The following GHR variants were observed in gnomAD, a reference collection of about 807,000 sequenced individuals.
The protein encoded by GHR is GH receptor.
GHR carries 35 observed loss-of-function variants against 67.1 expected under a neutral mutation model. The ratio of observed to expected loss-of-function variants is 0.52; its 90% CI spans 0.40 to 0.69. GHR has a LOEUF of 0.69. GHR is among the 30% of genes least tolerant of loss of function. GHR has a pLI of 0.00. For synonymous variants in GHR, 272 were observed against 269.1 expected (o/e 1.01, Z -0.10); for missense variants, 792 against 764.6 (o/e 1.04, Z -0.42).
chr5:42,671,595 A>G (rs940773325), intron 3 of GHR, among the ~76,000 whole-genome samples: 2 of 151,734 alleles, frequency 1.3e-5, no homozygotes, highest in African/African-American at 2.4e-5. Flanking sequence ...CATGATTTCA[A>G]TAGGTGTGGG....
intron 1 of GHR, among the ~76,000 whole-genome samples, chr5:42,438,393 GT>G (rs1282528618): frequency 6.6e-6 from 1 of 152,128 alleles, no homozygotes; most frequent in Non-Finnish European, 1.5e-5. Context: ...CCTCCAAGAA[GT>G]GGAATTTAAT....
At chr5:42,470,992 A>G (rs1744988554) in intron 1 of GHR, among the ~76,000 whole-genome samples, 1 of 152,186 alleles carries the variant, frequency 6.6e-6, no homozygotes, top group African/African-American at 2.4e-5. Context: ...ATTTTGGATT[A>G]AGTCCTCCAA....
intron 2 of GHR, among the ~76,000 whole-genome samples, chr5:42,599,409 C>A (rs1269546363): frequency 7.0e-6 from 1 of 142,762 alleles, no homozygotes; most frequent in Non-Finnish European, 1.5e-5. Context: ...GTCACCCAGG[C>A]CGGAGTGCAG....
intron 1 of GHR, among the ~76,000 whole-genome samples, chr5:42,534,499 T>C (rs1359282534): frequency 1.4e-5 from 2 of 143,190 alleles, no homozygotes; most frequent in Non-Finnish European, 3.0e-5. Context: ...TGTATGTATA[T>C]ATGTACATAT....
chr5:42,613,647 A>G (rs1752993695), intron 2 of GHR, among the ~76,000 whole-genome samples: 1 of 152,146 alleles, frequency 6.6e-6, no homozygotes, highest in South Asian at 2.1e-4. Flanking sequence ...AAGAACAGCT[A>G]TTAGAAAATA....
intron 1 of GHR, among the ~76,000 whole-genome samples, chr5:42,471,857 T>A (rs1336278723): frequency 1.3e-5 from 2 of 152,164 alleles, no homozygotes; most frequent in South Asian, 2.1e-4. Flanking sequence ...AGAACCCTAA[T>A]GGAGAACTAT....
At chr5:42,690,197 G>A (rs547270648) in intron 4 of GHR, among the ~76,000 whole-genome samples, 11 of 152,310 alleles carry the variant, frequency 7.2e-5, no homozygotes, top group South Asian at 4.1e-4. Context: ...CTATCCAACC[G>A]AAGAGCTGGA....
At chr5:42,617,574 C>G (rs1046502078) in intron 2 of GHR, among the ~76,000 whole-genome samples, 9 of 152,076 alleles carry the variant, frequency 5.9e-5, no homozygotes, top group Non-Finnish European at 8.8e-5. Context: ...CCCCATTTCC[C>G]CCCTCACCTG....
chr5:42,557,460 C>T (rs1749371862), intron 1 of GHR, among the ~76,000 whole-genome samples: 1 of 152,150 alleles, frequency 6.6e-6, no homozygotes, highest in Non-Finnish European at 1.5e-5. Context: ...TTACTACTAC[C>T]AAGAAGACTT....
intron 1 of GHR, among the ~76,000 whole-genome samples, chr5:42,530,436 T>C (rs949532263): frequency 1.7e-4 from 26 of 152,170 alleles, no homozygotes; most frequent in African/African-American, 5.8e-4. Flanking sequence ...ACACAGTAAT[T>C]CAAGTTACCA....
intron 3 of GHR, among the ~76,000 whole-genome samples, chr5:42,660,665 A>G (rs1424134533): frequency 6.6e-6 from 1 of 152,160 alleles, no homozygotes; most frequent in Non-Finnish European, 1.5e-5. Context: ...TGGGGAAAAA[A>G]CAGAGCAGAA....
chr5:42,524,193 A>G (rs1747600085), intron 1 of GHR, among the ~76,000 whole-genome samples: 1 of 152,196 alleles, frequency 6.6e-6, no homozygotes, highest in Non-Finnish European at 1.5e-5. Context: ...AGACAGGAAA[A>G]TGTGGGAAAG....
At chr5:42,598,803 T>A (rs1034781517) in intron 2 of GHR, among the ~76,000 whole-genome samples, 1 of 152,234 alleles carries the variant, frequency 6.6e-6, no homozygotes, top group African/African-American at 2.4e-5. Flanking sequence ...TCAAGAAATG[T>A]ATTTCTTTAA....
intron 1 of GHR, among the ~76,000 whole-genome samples, chr5:42,500,863 GATTAA>G (rs980315593): frequency 6.6e-6 from 1 of 152,186 alleles, no homozygotes; most frequent in African/African-American, 2.4e-5. Flanking sequence ...ATTAAGAAAT[GATTAA>G]ATTAAGTTCA....
At chr5:42,528,599 G>C (rs1747813936) in intron 1 of GHR, among the ~76,000 whole-genome samples, 1 of 152,180 alleles carries the variant, frequency 6.6e-6, no homozygotes, top group Non-Finnish European at 1.5e-5. Context: ...AATGGCAAAA[G>C]ATTTAGAATA....
At chr5:42,665,925 A>G (rs1755948602) in intron 3 of GHR, among the ~76,000 whole-genome samples, 1 of 152,126 alleles carries the variant, frequency 6.6e-6, no homozygotes, top group African/African-American at 2.4e-5. Context: ...ATCTCATGAG[A>G]CTTATTCACT....
At chr5:42,428,587 A>G (rs1232804561) in intron 1 of GHR, among the ~76,000 whole-genome samples, 3 of 151,960 alleles carry the variant, frequency 2.0e-5, no homozygotes, top group Non-Finnish European at 2.9e-5. Flanking sequence ...CCAAACTTTT[A>G]TGCTCTTTTC....
At chr5:42,601,216 T>C (rs1196318025) in intron 2 of GHR, among the ~76,000 whole-genome samples, 2 of 152,094 alleles carry the variant, frequency 1.3e-5, no homozygotes, top group Non-Finnish European at 2.9e-5. Flanking sequence ...TGAAATCTAT[T>C]CTTATATTTT....
intron 2 of GHR, among the ~76,000 whole-genome samples, chr5:42,583,897 A>ATATATATATATATATATATATAT (rs759855239): frequency 6.7e-6 from 1 of 149,396 alleles, no homozygotes; most frequent in Admixed American, 6.7e-5. Flanking sequence ...ATATATATAT[A>ATATATATATATATATATATATAT]AATTCTTACA....
Sources: allele counts gnomAD v4.1 joint callset (sites outside exome capture counted in the v4.1 genomes callset), GRCh38; gene constraint gnomAD v4.1.1; transcripts MANE v1.5; gene names NCBI Gene and HGNC (gene_info 2026-07-23, HGNC 2026-07-21).